Variants in DLG2 observed in about 807,000 individuals in gnomAD.
DLG2 encodes the protein disks large homolog 2.
DLG2 carries 45 observed loss-of-function variants against 132.5 expected under a neutral mutation model. The ratio of observed to expected loss-of-function variants is 0.34; its 90% CI spans 0.27 to 0.44. The LOEUF (loss-of-function observed/expected upper bound fraction) is 0.44, where lower values mean the gene tolerates loss of function less well. DLG2 is among the 20% of genes least tolerant of loss of function. The probability of loss-of-function intolerance (pLI) is 1.00; values close to 1 mark genes in which losing one functional copy is unlikely to be tolerated. For missense variants in DLG2, 1,045 were observed against 1,196.9 expected (o/e 0.87, Z 1.87); for synonymous variants, 424 against 419.6 (o/e 1.01, Z -0.13).
At chr11:84,713,278 T>G (rs2153776530) in intron 6 of DLG2, among the ~76,000 whole-genome samples, 1 of 152,210 alleles carries the variant, frequency 6.6e-6, no homozygotes, top group East Asian at 1.9e-4. Flanking sequence ...TTTGGGCAAA[T>G]TACTTAAACC....
intron 7 of DLG2, among the ~76,000 whole-genome samples, chr11:84,254,617 A>G (rs1358300517): frequency 6.6e-6 from 1 of 152,206 alleles, no homozygotes; most frequent in East Asian, 1.9e-4. Flanking sequence ...CTACTTTTCC[A>G]ATATCCAATA....
chr11:83,719,937 A>G (rs2087889114), intron 18 of DLG2, among the ~76,000 whole-genome samples: 1 of 152,280 alleles, frequency 6.6e-6, no homozygotes, highest in Non-Finnish European at 1.5e-5. Flanking sequence ...GAATCTGTAT[A>G]TTACATGCTA....
At chr11:84,438,384 C>T (rs376733504) in intron 7 of DLG2, among the ~76,000 whole-genome samples, 5 of 151,886 alleles carry the variant, frequency 3.3e-5, no homozygotes, top group East Asian at 1.9e-4. Flanking sequence ...TATTACAGGA[C>T]GATTTTTTGA....
At chr11:85,431,589 G>A (rs115024370) in intron 3 of DLG2, among the ~76,000 whole-genome samples, 1 of 152,212 alleles carries the variant, frequency 6.6e-6, no homozygotes, top group Non-Finnish European at 1.5e-5. Flanking sequence ...GAGCTCCTTG[G>A]GGGAGGGGTG....
chr11:84,453,531 C>T (rs2099057289), intron 7 of DLG2, among the ~76,000 whole-genome samples: 1 of 151,440 alleles, frequency 6.6e-6, no homozygotes, highest in African/African-American at 2.4e-5. Flanking sequence ...AGTTAAGGTT[C>T]CAACAAGTAT....
chr11:85,047,551 G>T (rs1051432884), intron 6 of DLG2, among the ~76,000 whole-genome samples: 85 of 151,722 alleles, frequency 5.6e-4, no homozygotes, highest in African/African-American at 1.9e-3. Context: ...TCTTAGCTGT[G>T]TTATCTAGAA....
chr11:83,693,024 G>C (rs960655408), intron 18 of DLG2: 1 of 152,238 alleles, frequency 6.6e-6, no homozygotes, highest in Non-Finnish European at 1.5e-5. Flanking sequence ...CTGACCAGGG[G>C]AGAGTTGCCC....
chr11:85,217,810 G>A (rs1340194925), intron 4 of DLG2, among the ~76,000 whole-genome samples: 1 of 152,072 alleles, frequency 6.6e-6, no homozygotes, highest in African/African-American at 2.4e-5. Context: ...TTACCTCTTC[G>A]GTTGCTTTTG....
chr11:83,834,797 G>A (rs2055657053), intron 16 of DLG2, among the ~76,000 whole-genome samples: 1 of 152,172 alleles, frequency 6.6e-6, no homozygotes, highest in East Asian at 1.9e-4. Flanking sequence ...GTCTTAAAAT[G>A]CATTTAGTTC....
At chr11:84,307,328 G>A (rs550230615) in intron 7 of DLG2, among the ~76,000 whole-genome samples, 1 of 152,248 alleles carries the variant, frequency 6.6e-6, no homozygotes, top group South Asian at 2.1e-4. Flanking sequence ...GGGAACAATA[G>A]ACACCAGGAC....
chr11:84,267,968 G>C (rs1287197654), intron 7 of DLG2, among the ~76,000 whole-genome samples: 1 of 152,108 alleles, frequency 6.6e-6, no homozygotes, highest in Non-Finnish European at 1.5e-5. Flanking sequence ...TTGTTTTTAT[G>C]ATTTACCTGT....
chr11:83,549,552 G>C (rs1231948231), intron 19 of DLG2, among the ~76,000 whole-genome samples: 1 of 152,164 alleles, frequency 6.6e-6, no homozygotes, highest in Non-Finnish European at 1.5e-5. Context: ...CTGGAAGGGA[G>C]ATGAAATAAG....
intron 6 of DLG2, among the ~76,000 whole-genome samples, chr11:84,930,887 C>A (rs1358810164): frequency 1.3e-5 from 2 of 152,084 alleles, no homozygotes; most frequent in African/African-American, 4.8e-5. Context: ...GACACACAAC[C>A]TTTTTAGGAA....
chr11:84,297,290 G>A (rs1370136772), intron 7 of DLG2, among the ~76,000 whole-genome samples: 2 of 152,082 alleles, frequency 1.3e-5, no homozygotes, highest in Non-Finnish European at 2.9e-5. Flanking sequence ...TAGAAATCTA[G>A]GAACTTACTA....
intron 6 of DLG2, among the ~76,000 whole-genome samples, chr11:85,064,244 T>A (rs937502011): frequency 6.6e-6 from 1 of 151,806 alleles, no homozygotes; most frequent in Non-Finnish European, 1.5e-5. Context: ...ATAAAAACAT[T>A]TTATCTTTTC....
intron 19 of DLG2, among the ~76,000 whole-genome samples, chr11:83,586,924 G>A (rs2097096063): frequency 6.6e-6 from 1 of 152,220 alleles, no homozygotes; most frequent in African/African-American, 2.4e-5. Context: ...GAAGTTGGTA[G>A]CAGAGCAATG....
intron 11 of DLG2, among the ~76,000 whole-genome samples, chr11:84,048,440 G>T (rs534057865): frequency 1.8e-4 from 28 of 151,594 alleles, no homozygotes; most frequent in Non-Finnish European, 3.7e-4. Context: ...AGTTAAATTT[G>T]CTATTCGTGC....
At chr11:85,284,402 A>G (rs773377628) in intron 4 of DLG2, among the ~76,000 whole-genome samples, 10 of 151,932 alleles carry the variant, frequency 6.6e-5, no homozygotes, top group Non-Finnish European at 1.3e-4. Context: ...TCAGCAATCA[A>G]CATGCTATTG....
At chr11:84,648,993 T>C (rs1477365302) in intron 6 of DLG2, among the ~76,000 whole-genome samples, 2 of 152,192 alleles carry the variant, frequency 1.3e-5, no homozygotes, top group Admixed American at 6.5e-5. Flanking sequence ...ATTATTTTTT[T>C]TCTAAAGCAA....
Sources: allele counts gnomAD v4.1 joint callset (sites outside exome capture counted in the v4.1 genomes callset), GRCh38; gene constraint gnomAD v4.1.1; transcripts MANE v1.5; gene names NCBI Gene and HGNC (gene_info 2026-07-23, HGNC 2026-07-21).